Variants in BCKDHB observed in about 807,000 individuals in gnomAD.
BCKDHB encodes the protein branched chain keto acid dehydrogenase E1 subunit beta.
In BCKDHB, 41 loss-of-function variants were observed where a neutral mutation model predicts 48.5. The ratio of observed to expected loss-of-function variants is 0.85; its 90% CI spans 0.66 to 1.10. The LOEUF is 1.10. Among genes scored for constraint, BCKDHB ranks in the 50% least tolerant of loss-of-function variants. The pLI, the probability that BCKDHB is intolerant of heterozygous loss-of-function variation, is 0.00. For synonymous variants in BCKDHB, 201 were observed against 174.8 expected (o/e 1.15, Z -1.18); for missense variants, 496 against 494.2 (o/e 1.00, Z -0.03).
At chr6:80,436,736 G>C in the BCKDHB span, among the ~76,000 whole-genome samples, 1 of 152,084 alleles carries the variant, frequency 6.6e-6, no homozygotes, top group Non-Finnish European at 1.5e-5. Flanking sequence ...TTTCCCTTTT[G>C]AAGAAGATCT....
intron 8 of BCKDHB, among the ~76,000 whole-genome samples, chr6:80,207,627 TA>T (rs1469812227): frequency 4.0e-5 from 6 of 151,702 alleles, no homozygotes; most frequent in African/African-American, 1.5e-4. Flanking sequence ...ATGTGTAGCT[TA>T]AAAAAGGCAT....
At chr6:80,193,538 GC>G (rs1310652832) in intron 6 of BCKDHB, among the ~76,000 whole-genome samples, 2 of 151,992 alleles carry the variant, frequency 1.3e-5, no homozygotes, top group Non-Finnish European at 2.9e-5. Flanking sequence ...GGCCAACATG[GC>G]AAAACCCTGT....
At chr6:80,162,907 TTTCTC>T (rs992137434) in intron 3 of BCKDHB, among the ~76,000 whole-genome samples, 1 of 151,598 alleles carries the variant, frequency 6.6e-6, no homozygotes, top group Non-Finnish European at 1.5e-5. Flanking sequence ...GACTGCTCCC[TTTCTC>T]TTCTCTTCTC....
At chr6:80,107,565 A>ATATGCATATATG (rs1769187662) in intron 1 of BCKDHB, among the ~76,000 whole-genome samples, 2 of 143,326 alleles carry the variant, frequency 1.4e-5, no homozygotes, top group African/African-American at 2.6e-5. Flanking sequence ...ATGCATATAT[A>ATATGCATATATG]TATGCATATA....
At chr6:80,302,230 T>C (rs1367789891) in intron 9 of BCKDHB, among the ~76,000 whole-genome samples, 1 of 152,174 alleles carries the variant, frequency 6.6e-6, no homozygotes, top group Non-Finnish European at 1.5e-5. Flanking sequence ...ATTAAAAATA[T>C]GATTTTATAC....
At chr6:80,425,652 C>T in the BCKDHB span, among the ~76,000 whole-genome samples, 1 of 152,138 alleles carries the variant, frequency 6.6e-6, no homozygotes, top group African/African-American at 2.4e-5. Context: ...ACAATGAAAC[C>T]TAAGACATCT....
chr6:80,334,399 T>A (rs1769468561), intron 9 of BCKDHB, among the ~76,000 whole-genome samples: 1 of 152,114 alleles, frequency 6.6e-6, no homozygotes, highest in African/African-American at 2.4e-5. Context: ...ATTTGTTCAA[T>A]TATTAAACTT....
At chr6:80,318,513 C>T (rs578161364) in intron 9 of BCKDHB, among the ~76,000 whole-genome samples, 3 of 151,642 alleles carry the variant, frequency 2.0e-5, no homozygotes, top group East Asian at 1.9e-4. Flanking sequence ...ACGGTGAAAC[C>T]CCATCTACTA....
chr6:80,445,495 A>G, the BCKDHB span, among the ~76,000 whole-genome samples: 1 of 152,224 alleles, frequency 6.6e-6, no homozygotes. Flanking sequence ...GAAGCCAGGA[A>G]GAATGACTTA....
At chr6:80,175,792 A>G (rs1773122746) in intron 6 of BCKDHB, among the ~76,000 whole-genome samples, 2 of 152,230 alleles carry the variant, frequency 1.3e-5, no homozygotes, top group Admixed American at 1.3e-4. Flanking sequence ...CAAAACTGAA[A>G]GATATAAGAA....
At chr6:80,367,701 T>G in the BCKDHB span, among the ~76,000 whole-genome samples, 65 of 152,356 alleles carry the variant, frequency 4.3e-4, no homozygotes, top group Admixed American at 1.6e-3. Context: ...AGCCTTCCCC[T>G]GCACATGCTT....
chr6:80,128,521 T>C (rs1160887533), intron 2 of BCKDHB, among the ~76,000 whole-genome samples: 1 of 152,176 alleles, frequency 6.6e-6, no homozygotes, highest in African/African-American at 2.4e-5. Flanking sequence ...TTTGCCTTGC[T>C]TACTGTGTCC....
At chr6:80,410,966 T>A in the BCKDHB span, among the ~76,000 whole-genome samples, 1 of 152,254 alleles carries the variant, frequency 6.6e-6, no homozygotes, top group Non-Finnish European at 1.5e-5. Context: ...ACAGTCATTC[T>A]CCATCCAGTT....
At chr6:80,237,054 G>A (rs1776174714) in intron 8 of BCKDHB, among the ~76,000 whole-genome samples, 1 of 148,584 alleles carries the variant, frequency 6.7e-6, no homozygotes, top group South Asian at 2.1e-4. Context: ...ATTTCATTCT[G>A]AGAGAATTTT....
At chr6:80,391,334 A>G in the BCKDHB span, among the ~76,000 whole-genome samples, 2 of 152,138 alleles carry the variant, frequency 1.3e-5, no homozygotes, top group Non-Finnish European at 2.9e-5. Context: ...GATGTGATTC[A>G]GTTGAGGATC....
chr6:80,120,163 C>T (rs1052789331), intron 1 of BCKDHB, among the ~76,000 whole-genome samples: 5 of 152,148 alleles, frequency 3.3e-5, no homozygotes, highest in African/African-American at 9.7e-5. Flanking sequence ...TTTCCAGCTT[C>T]ATCCATGTCC....
the BCKDHB span, among the ~76,000 whole-genome samples, chr6:80,446,980 T>C: frequency 6.6e-6 from 1 of 152,146 alleles, no homozygotes; most frequent in Non-Finnish European, 1.5e-5. Context: ...TTAGGCAGTT[T>C]TTAGGCAGTT....
chr6:80,253,231 G>GACCA (rs1776906270), intron 8 of BCKDHB, among the ~76,000 whole-genome samples: 2 of 152,172 alleles, frequency 1.3e-5, no homozygotes, highest in South Asian at 4.1e-4. Flanking sequence ...GGGGCAGAGA[G>GACCA]ACCAGTCTAG....
At chr6:80,353,907 T>C in the BCKDHB span, among the ~76,000 whole-genome samples, 10 of 152,316 alleles carry the variant, frequency 6.6e-5, no homozygotes, top group South Asian at 2.1e-3. Flanking sequence ...GGTATGATGA[T>C]GTCTCATTTT....
Sources: allele counts gnomAD v4.1 joint callset (sites outside exome capture counted in the v4.1 genomes callset), GRCh38; gene constraint gnomAD v4.1.1; transcripts MANE v1.5; gene names NCBI Gene and HGNC (gene_info 2026-07-23, HGNC 2026-07-21).